Variants in AIRE observed in about 807,000 individuals in gnomAD.
The protein encoded by AIRE is autoimmune polyendocrinopathy candidiasis ectodermal dystrophy protein.
AIRE carries 52 observed loss-of-function variants against 62.1 expected under a neutral mutation model. The observed-to-expected ratio is 0.84, with a 90% CI of 0.67 to 1.06. The LOEUF is 1.06. AIRE is among the 50% of genes least tolerant of loss of function. AIRE has a pLI of 0.00. For missense variants in AIRE, 774 were observed against 755.8 expected, an observed-to-expected ratio of 1.02 and a Z score of -0.28; for synonymous variants, 342 against 321.6, an observed-to-expected ratio of 1.06 and a Z score of -0.68.
rs772966554 is a variant in AIRE at position 44,296,342 on chromosome 21, T to C, written c.1504-41T>C. ...GCGGCCTCTGTACCCCCACCAGGGC[T>C]GTGGGAGTTGGGCTGACCTCTTCTC... On this transcript the variant is annotated intron_variant, in intron 12 of 13. Coordinates refer to ENST00000291582, the MANE Select transcript of AIRE (RefSeq NM_000383.4). The C allele has an allele frequency of 9.6e-6, 15 of 1,560,656 alleles. No individual in the cohort carries two copies. In the South Asian group the frequency reaches 1.6e-4, roughly 16 times the overall value.
At chr21:44,288,230 G>A in intron 4 of AIRE, 115 bp from the exon 5 acceptor site, 1 of 886,378 alleles carries the variant, frequency 1.1e-6, no homozygotes, top group Non-Finnish European at 1.9e-6. Flanking sequence ...TCCTTGGCCT[G>A]CCCTGGCTGG....
intron 11 of AIRE, 74 bp from the exon 12 acceptor site, chr21:44,294,326 AC>A: frequency 2.9e-6 from 2 of 692,068 alleles, no homozygotes; most frequent in East Asian, 4.3e-5. Context: ...CCACGCCCAC[AC>A]CCCACACCCC....
rs2040609319 is a variant in AIRE at position 44,296,464 on chromosome 21, T to G, written c.1566+19T>G. 3.1e-6 allele frequency: 5 copies of G among 1,606,116 alleles called. No homozygotes were observed. Among genetic ancestry groups the G allele is most frequent in the Non-Finnish European group, 4.3e-6 (5 of 1,174,198 alleles). On this transcript the variant is annotated intron_variant, in intron 13 of 13. Coordinates refer to ENST00000291582, the MANE Select transcript of AIRE (RefSeq NM_000383.4). ...GAGCGAGGTAACGCCTCCCCTGGCC[T>G]CCTGGTGCTCCTCCACTCCCCCTCC...
At position 44,289,642 on chromosome 21, in the gene AIRE, G is replaced by C; in HGVS notation, c.653-15G>C. ...CTGGGCGGGTGAGCCAGGACCAGCC[G>C]GCATCTCCTCCCAGGCGGCTCCAAG... On this transcript the variant is annotated splice_polypyrimidine_tract_variant and intron_variant, in intron 5 of 13. Coordinates refer to ENST00000291582, the MANE Select transcript of AIRE (RefSeq NM_000383.4). 1 of 1,612,632 alleles carries C rather than the reference G, an allele frequency of 6.2e-7. No homozygotes were observed. The highest frequency in any genetic ancestry group is 1.1e-5 in the South Asian group (1 of 91,058).
chr21:44,289,936 G>A, intron 6 of AIRE, 52 bp from the exon 7 acceptor site: 2 of 1,600,318 alleles, frequency 1.2e-6, no homozygotes, highest in Non-Finnish European at 1.7e-6. Flanking sequence ...ACAGCCATGT[G>A]CACCCTCGCT....
intron 5 of AIRE, 162 bp downstream of exon 5, chr21:44,288,620 G>A (rs1043964850): frequency 6.5e-6 from 4 of 614,642 alleles, no homozygotes; most frequent in Admixed American, 2.9e-5. Context: ...GGAGGAGGAG[G>A]GTGAGCACTG....
chr21:44,293,759 C>A, intron 10 of AIRE, 30 bp from the exon 11 acceptor site: 1 of 1,595,348 alleles, frequency 6.3e-7, no homozygotes. Context: ...CCCGGCCCCC[C>A]GCGTCACCCC....
At position 44,287,122 on chromosome 21, in the gene AIRE, C is replaced by A. The variant is rs747601499; in HGVS notation, c.452C>A (p.Thr151Asn). The A allele has an allele frequency of 1.9e-6, 3 of 1,612,298 alleles. No individual in the cohort carries two copies. Among genetic ancestry groups the A allele is most frequent in the Non-Finnish European group, 1.7e-6 (2 of 1,179,904 alleles). ...CCAGCAGCCCTGACTCCAAGGGGCA[C>A]CGCCAGCCCAGGTACCCTCCCTGCA... is the stretch of plus-strand genomic sequence containing the variant. ...AAPAALTPRGTASPGSQLKAK... is the reference protein window; with the variant it reads ...AAPAALTPRGNASPGSQLKAK... Residue 151 changes from threonine (T) to asparagine (N), a missense_variant, in exon 3 of 14, where the codon ACC becomes AAC. Transcript: ENST00000291582. The surrounding 1 kb of genome is among the most constrained non-coding windows in gnomAD (Gnocchi z 4.3).
chr21:44,288,423 T>C lies in AIRE; in HGVS notation c.617T>C (p.Val206Ala), dbSNP rs1423742330. The C allele has an allele frequency of 1.2e-6, 2 of 1,611,582 alleles. No individual in the cohort carries two copies. The highest frequency in any genetic ancestry group is 2.2e-5 in the East Asian group (1 of 44,872). Residue 206 changes from valine to alanine, a missense_variant, in exon 5 of 14, where the codon GTG becomes GCG. This residue lies in a region of AIRE where 385 missense variants were observed against 396.0 expected (regional missense o/e 0.97). Coordinates refer to ENST00000291582, the MANE Select transcript of AIRE (RefSeq NM_000383.4). ...GACGTCCCGGGAGCCCGAGGGGCCG[T>C]GGAGGGGATCCTCATCCAGCAGGTG... Reference protein sequence around the residue: ...SGDVPGARGAVEGILIQQVFE... With the variant: ...SGDVPGARGAAEGILIQQVFE...
rs749029660 is a variant in AIRE, at chr21:44,286,015, G to A, written c.9G>A (p.Thr3=). 3.3e-6 allele frequency: 5 copies of A among 1,531,722 alleles called. No homozygotes were observed. In the South Asian group the frequency reaches 4.8e-5, roughly 15 times the overall value. 94.9% of individuals were successfully genotyped at this position (1,531,722 alleles called of 1,614,324 possible). The change falls in exon 1 of 14, where the codon ACG becomes ACA. Residue 3 remains threonine, a synonymous_variant. Transcript: ENST00000291582. This position sits in a 1 kb window ranked among gnomAD's most constrained non-coding sequence, Gnocchi z 6.0. ...GTCCCCGCGCCCACCCCATGGCGAC[G>A]GACGCGGCGCTACGCCGGCTTCTGA... MA[T]DAALRRLLRL...
chr21:44,290,553 C>A, intron 7 of AIRE: 1 of 775,558 alleles, frequency 1.3e-6, no homozygotes, highest in Non-Finnish European at 1.6e-6. Context: ...TCCTGCCCTG[C>A]AGGAGCACCC....
In AIRE at chr21:44,287,448, G is replaced by T; in HGVS notation, c.464-69G>T. 2 of 1,153,374 alleles carry T rather than the reference G, an allele frequency of 1.7e-6. No individual in the cohort carries two copies. The allele number at this position is 1,153,374 out of a possible 1,614,324, so 71.4% of individuals were successfully genotyped here. On this transcript the variant is annotated intron_variant, in intron 3 of 13. Coordinates refer to ENST00000291582, the MANE Select transcript of AIRE (RefSeq NM_000383.4). The surrounding 1 kb of genome is among the most constrained non-coding windows in gnomAD (Gnocchi z 4.3). Reference sequence around the variant, plus strand: ...GCCCCCTCCACGCCCTCCCACCGCGGGCCCCTGCCCACCGGCACTCACCCC... The same window carrying T: ...GCCCCCTCCACGCCCTCCCACCGCGTGCCCCTGCCCACCGGCACTCACCCC...
At chr21:44,296,639 CT>C (rs1442830587) in intron 13 of AIRE, among the ~76,000 whole-genome samples, 194 bp downstream of exon 13, 4 of 147,546 alleles carry the variant, frequency 2.7e-5, no homozygotes, top group South Asian at 2.2e-4. Flanking sequence ...AGGAGCCCCC[CT>C]AGCCCCCTTG....
intron 8 of AIRE, among the ~76,000 whole-genome samples, chr21:44,291,623 G>C (rs2040541227): frequency 6.7e-6 from 1 of 148,642 alleles, no homozygotes; most frequent in African/African-American, 2.4e-5. Flanking sequence ...GTGGGAGTTT[G>C]TCCACCAATG....
At chr21:44,293,996 C>T (rs2040576796) in intron 11 of AIRE, 86 bp downstream of exon 11, 4 of 1,500,564 alleles carry the variant, frequency 2.7e-6, no homozygotes, top group East Asian at 2.5e-5. Flanking sequence ...ATCATACAGC[C>T]CACAACCACA....
chr21:44,287,262 GTC>G lies in AIRE; in HGVS notation c.463+132_463+133del, dbSNP rs776770003. On this transcript the variant is annotated intron_variant, in intron 3 of 13. Transcript: ENST00000291582. This position sits in a 1 kb window ranked among gnomAD's most constrained non-coding sequence, Gnocchi z 4.3. ...GGCCAGCCTGCCTGGGGCTGTGGGG[GTC>G]TCCTCTGGGTACTAGACCCACACAC... The G allele has an allele frequency of 8.6e-7, 1 of 1,164,222 alleles. No homozygotes were observed. 72.1% of individuals were successfully genotyped at this position (1,164,222 alleles called of 1,614,324 possible).
chr21:44,295,101 G>A (rs540945700), intron 12 of AIRE, among the ~76,000 whole-genome samples: 1 of 152,198 alleles, frequency 6.6e-6, no homozygotes, highest in Non-Finnish European at 1.5e-5. Context: ...AGCCTCCGGG[G>A]GGGTGGCCTC....
chr21:44,288,302 A>AG, intron 4 of AIRE, 43 bp from the exon 5 acceptor site: 1 of 1,426,558 alleles, frequency 7.0e-7, no homozygotes, highest in Non-Finnish European at 9.9e-7. Flanking sequence ...GCTTGGGAAC[A>AG]GTCTTCCCCA....
At chr21:44,290,124 G>A in intron 7 of AIRE, 56 bp downstream of exon 7, 1 of 1,573,464 alleles carries the variant, frequency 6.4e-7, no homozygotes, top group East Asian at 2.3e-5. Flanking sequence ...CCTCGGGTGG[G>A]TCCTGCTGCC....
Sources: gnomAD v4.1 joint callset for allele counts (sites outside exome capture counted in the v4.1 genomes callset) on GRCh38, gnomAD v4.1.1 for gene constraint, gnomAD v4.1.1 regional missense constraint, Gnocchi (gnomAD v3.1) non-coding constraint, MANE v1.5 for transcripts, NCBI Gene and HGNC (gene_info 2026-07-23, HGNC 2026-07-21) for gene names.